Variants in ADARB2 observed in about 807,000 individuals in gnomAD.
The protein encoded by ADARB2 is adenosine deaminase RNA specific B2 (inactive).
A neutral mutation model predicts 62.2 loss-of-function variants in ADARB2; 25 were observed. The observed-to-expected ratio is 0.40, with a 90% CI of 0.29 to 0.56. The LOEUF (loss-of-function observed/expected upper bound fraction) is 0.56, where lower values mean the gene tolerates loss of function less well. ADARB2 is among the 20% of genes least tolerant of loss of function. The pLI, the probability that ADARB2 is intolerant of heterozygous loss-of-function variation, is 0.43. For missense variants in ADARB2, 1,071 were observed against 1,077.4 expected (o/e 0.99, Z 0.08); for synonymous variants, 572 against 500.8 (o/e 1.14, Z -1.90).
At chr10:1,287,855 G>A (rs1461608792) in intron 3 of ADARB2, among the ~76,000 whole-genome samples, 2 of 152,210 alleles carry the variant, frequency 1.3e-5, no homozygotes, top group Non-Finnish European at 2.9e-5. Flanking sequence ...TCTAAGCATT[G>A]TTTTCTGATC....
At position 1,333,112 on chromosome 10, in the gene ADARB2, C is replaced by T. The variant is rs576539064; in HGVS notation, c.1077+29916G>A. On this transcript the variant is annotated intron_variant, in intron 3 of 9. Coordinates refer to ENST00000381312, the MANE Select transcript of ADARB2 (RefSeq NM_018702.4). ...GCTCATAAGAGAAAAGTGCTTGATC[C>T]GTTTCTTATTCAATTGCCAAGATCA... 5.3e-5 allele frequency among the ~76,000 whole-genome samples: 8 copies of T among 152,312 alleles called. No homozygotes were observed. The East Asian group carries it at 7.7e-4, about 15-fold the overall frequency.
intron 1 of ADARB2, among the ~76,000 whole-genome samples, chr10:1,697,244 G>T (rs1834757880): frequency 6.6e-6 from 1 of 152,016 alleles, no homozygotes. Context: ...GTGGCAAGAG[G>T]GTCAGCCTCT....
chr10:1,544,794 G>T (rs962190138), intron 1 of ADARB2, among the ~76,000 whole-genome samples: 3 of 152,028 alleles, frequency 2.0e-5, no homozygotes, highest in Admixed American at 1.3e-4. Context: ...ACCACATAAA[G>T]TCTATATAAC....
chr10:1,658,034 C>T (rs957701036), intron 1 of ADARB2, among the ~76,000 whole-genome samples: 9 of 111,886 alleles, frequency 8.0e-5, no homozygotes, highest in African/African-American at 2.5e-4. Context: ...CTGTGTGTGT[C>T]TGTGTATCTC....
At chr10:1,405,786 T>G in intron 1 of ADARB2, among the ~76,000 whole-genome samples, 1 of 152,086 alleles carries the variant, frequency 6.6e-6, no homozygotes, top group South Asian at 2.1e-4. Flanking sequence ...TATTAAACCC[T>G]TCGCCAAGAT....
intron 1 of ADARB2, among the ~76,000 whole-genome samples, chr10:1,637,744 G>A (rs374262005): frequency 9.2e-5 from 14 of 152,232 alleles, no homozygotes; most frequent in African/African-American, 3.1e-4. Flanking sequence ...TTAATCGCTC[G>A]CAATAATTTG....
intron 2 of ADARB2, among the ~76,000 whole-genome samples, chr10:1,372,313 G>A (rs1285974972): frequency 1.0e-5 from 1 of 99,258 alleles, no homozygotes; most frequent in African/African-American, 2.8e-5. Context: ...ACTTGAGAAG[G>A]GGGAGGGAGG....
intron 3 of ADARB2, among the ~76,000 whole-genome samples, chr10:1,280,375 G>A (rs1468723714): frequency 1.3e-5 from 2 of 152,214 alleles, no homozygotes; most frequent in Non-Finnish European, 2.9e-5. Flanking sequence ...CTTGCTCTCT[G>A]CCCCTCATAG....
rs113134460 is a variant in ADARB2 at position 1,244,883 on chromosome 10, G to A, written c.1193-2584C>T. 9.9e-4 allele frequency among the ~76,000 whole-genome samples: 151 copies of A among 152,314 alleles called. 4 individuals are homozygous for A. In the East Asian group the frequency reaches 0.026, roughly 26 times the overall value. ...CACAGGCATATTCTGCATAATCTGC[G>A]TATTCTACGGGCCGTTGGAGCCCGT... On this transcript the variant is annotated intron_variant, in intron 4 of 9. Transcript: ENST00000381312.
chr10:1,731,083 A>G (rs1024543747), intron 1 of ADARB2, among the ~76,000 whole-genome samples: 1 of 152,220 alleles, frequency 6.6e-6, no homozygotes, highest in African/African-American at 2.4e-5. Flanking sequence ...AAAGTCTGCT[A>G]TCTTTGCAAA....
intron 3 of ADARB2, among the ~76,000 whole-genome samples, chr10:1,302,935 G>C (rs919410230): frequency 6.6e-6 from 1 of 152,156 alleles, no homozygotes; most frequent in Non-Finnish European, 1.5e-5. Flanking sequence ...GGAAAAAACA[G>C]AACAGAAAAA....
chr10:1,266,431 ACC>A (rs1831201178), intron 4 of ADARB2, among the ~76,000 whole-genome samples: 1 of 140,424 alleles, frequency 7.1e-6, no homozygotes, highest in African/African-American at 2.7e-5. Context: ...ATGGAGTCCC[ACC>A]CTACAGGGAG....
At chr10:1,314,992 G>A (rs1197455922) in intron 3 of ADARB2, among the ~76,000 whole-genome samples, 1 of 152,186 alleles carries the variant, frequency 6.6e-6, no homozygotes, top group Non-Finnish European at 1.5e-5. Flanking sequence ...ACCCCTTCCT[G>A]ATCATCACCC....
intron 1 of ADARB2, among the ~76,000 whole-genome samples, chr10:1,732,202 A>G (rs1309728850): frequency 6.6e-6 from 1 of 151,848 alleles, no homozygotes. Flanking sequence ...ACATAGTAAT[A>G]TACATGTATA....
chr10:1,510,182 C>A (rs1032736346), intron 1 of ADARB2, among the ~76,000 whole-genome samples: 3 of 103,322 alleles, frequency 2.9e-5, no homozygotes, highest in Admixed American at 2.1e-4. Context: ...TTCTTTCTTT[C>A]TTTTTCTTTC....
intron 1 of ADARB2, among the ~76,000 whole-genome samples, chr10:1,736,635 T>A (rs1045535162): frequency 6.6e-6 from 1 of 152,200 alleles, no homozygotes; most frequent in African/African-American, 2.4e-5. Flanking sequence ...ACAGTTTGGA[T>A]GGGAGTAGCT....
chr10:1,712,904 C>T (rs1459433800), intron 1 of ADARB2, among the ~76,000 whole-genome samples: 4 of 152,050 alleles, frequency 2.6e-5, no homozygotes, highest in African/African-American at 4.8e-5. Context: ...CCACAGCACC[C>T]GGCCACCACC....
chr10:1,663,192 G>T (rs533671439), intron 1 of ADARB2, among the ~76,000 whole-genome samples: 2 of 152,236 alleles, frequency 1.3e-5, no homozygotes, highest in Non-Finnish European at 2.9e-5. Flanking sequence ...AAAGTACAGA[G>T]ACTTCCCATA....
chr10:1,398,560 T>C lies in ADARB2; in HGVS notation c.101-19400A>G, dbSNP rs916119803. On this transcript the variant is annotated intron_variant, in intron 1 of 9. Coordinates refer to ENST00000381312, the MANE Select transcript of ADARB2 (RefSeq NM_018702.4). This position sits in a 1 kb window ranked among gnomAD's most constrained non-coding sequence, Gnocchi z 4.1. Reference sequence around the variant, plus strand: ...ATAAACCTTCTGTTTTTCCTAAAACTGTCAGAACCCAGTTCTGGTGCGGAG... The same window carrying C: ...ATAAACCTTCTGTTTTTCCTAAAACCGTCAGAACCCAGTTCTGGTGCGGAG... 9.2e-5 allele frequency among the ~76,000 whole-genome samples: 14 copies of C among 152,228 alleles called. No homozygotes were observed. The highest frequency in any genetic ancestry group is 2.9e-5 in the Non-Finnish European group (2 of 68,034).
Sources: allele counts gnomAD v4.1 joint callset (sites outside exome capture counted in the v4.1 genomes callset), GRCh38; gene constraint gnomAD v4.1.1; non-coding constraint Gnocchi (gnomAD v3.1); transcripts MANE v1.5; gene names NCBI Gene and HGNC (gene_info 2026-07-23, HGNC 2026-07-21).